Variants in NT5DC1 observed in about 807,000 individuals in gnomAD.
NT5DC1 encodes the protein 5'-nucleotidase domain containing 1, also known as 5'-nucleotidase domain-containing protein 1.
NT5DC1 carries 42 observed loss-of-function variants against 59.4 expected under a neutral mutation model. That is an observed-to-expected ratio of 0.71 (90% CI 0.55 to 0.92). The LOEUF (loss-of-function observed/expected upper bound fraction) is 0.92, where lower values mean the gene tolerates loss of function less well. NT5DC1 is among the 40% of genes least tolerant of loss of function. The pLI is 0.00. For synonymous variants in NT5DC1, 172 were observed against 188.1 expected, an observed-to-expected ratio of 0.91 and a Z score of 0.70; for missense variants, 501 against 537.1, an observed-to-expected ratio of 0.93 and a Z score of 0.66.
intron 6 of NT5DC1, among the ~76,000 whole-genome samples, chr6:116,160,413 T>A (rs1471088513): frequency 6.6e-6 from 1 of 152,174 alleles, no homozygotes; most frequent in East Asian, 1.9e-4. Flanking sequence ...TTGTATGTCT[T>A]ATTTTGAGAA....
chr6:116,101,661 T>C (rs1419375243), intron 1 of NT5DC1, among the ~76,000 whole-genome samples: 1 of 152,170 alleles, frequency 6.6e-6, no homozygotes, highest in Non-Finnish European at 1.5e-5. Flanking sequence ...TTTGAATACA[T>C]TCCAGTCCTA....
intron 6 of NT5DC1, among the ~76,000 whole-genome samples, chr6:116,173,668 A>T (rs774411510): frequency 6.6e-6 from 1 of 152,084 alleles, no homozygotes; most frequent in Non-Finnish European, 1.5e-5. Context: ...TTATTTTTGT[A>T]ATTTATTTAT....
At chr6:116,222,701 T>C (rs1781831537) in intron 7 of NT5DC1, among the ~76,000 whole-genome samples, 1 of 152,174 alleles carries the variant, frequency 6.6e-6, no homozygotes, top group African/African-American at 2.4e-5. Flanking sequence ...GCCCCCAAAT[T>C]TGAAGATAGA....
At chr6:116,138,111 A>G (rs559602722) in intron 6 of NT5DC1, among the ~76,000 whole-genome samples, 4 of 152,270 alleles carry the variant, frequency 2.6e-5, no homozygotes, top group East Asian at 3.9e-4. Flanking sequence ...GTCCAGCTCA[A>G]TAGCTGACAT....
intron 6 of NT5DC1, among the ~76,000 whole-genome samples, chr6:116,160,674 T>A (rs929219430): frequency 6.6e-6 from 1 of 152,224 alleles, no homozygotes; most frequent in Admixed American, 6.5e-5. Context: ...TGTTGAGGTC[T>A]TCGTCATAAA....
intron 6 of NT5DC1, among the ~76,000 whole-genome samples, chr6:116,161,583 C>CT (rs1266283798): frequency 6.6e-6 from 1 of 152,038 alleles, no homozygotes; most frequent in African/African-American, 2.4e-5. Flanking sequence ...CTCCATTGAT[C>CT]TATGTGTCTA....
At chr6:116,161,790 T>C (rs1780338539) in intron 6 of NT5DC1, among the ~76,000 whole-genome samples, 1 of 151,848 alleles carries the variant, frequency 6.6e-6, no homozygotes, top group Non-Finnish European at 1.5e-5. Flanking sequence ...TGATGGGAAG[T>C]TGCATTGACT....
At chr6:116,238,406 A>T (rs1782163784) in intron 10 of NT5DC1, 58 bp downstream of exon 10, 1 of 1,303,862 alleles carries the variant, frequency 7.7e-7, no homozygotes, top group Middle Eastern at 2.4e-4. Context: ...TGAAAGCTAA[A>T]GTATCTTTAT....
intron 6 of NT5DC1, among the ~76,000 whole-genome samples, chr6:116,181,535 T>A (rs1780872854): frequency 6.6e-6 from 1 of 152,036 alleles, no homozygotes; most frequent in Non-Finnish European, 1.5e-5. Context: ...TCTCCAAAGC[T>A]TCACACTCTT....
At chr6:116,179,248 A>G (rs1247764884) in intron 6 of NT5DC1, among the ~76,000 whole-genome samples, 1 of 152,114 alleles carries the variant, frequency 6.6e-6, no homozygotes, top group Non-Finnish European at 1.5e-5. Context: ...ATGTGAAAAT[A>G]CTCCTTATCT....
intron 6 of NT5DC1, among the ~76,000 whole-genome samples, chr6:116,166,718 A>T (rs1224993605): frequency 6.6e-6 from 1 of 152,210 alleles, no homozygotes; most frequent in Non-Finnish European, 1.5e-5. Flanking sequence ...ATCCATGAGA[A>T]ATTTCTACTA....
At chr6:116,205,532 T>C (rs1320424128) in intron 6 of NT5DC1, among the ~76,000 whole-genome samples, 5 of 152,008 alleles carry the variant, frequency 3.3e-5, no homozygotes, top group Non-Finnish European at 1.5e-5. Flanking sequence ...TACACAGATA[T>C]ACAGAGCATC....
At chr6:116,133,337 G>A (rs568843471) in intron 6 of NT5DC1, among the ~76,000 whole-genome samples, 3 of 152,288 alleles carry the variant, frequency 2.0e-5, no homozygotes, top group Admixed American at 1.3e-4. Flanking sequence ...AAGTTGGAAG[G>A]AGAAATTATA....
chr6:116,180,058 CTG>C (rs1323475825), intron 6 of NT5DC1, among the ~76,000 whole-genome samples: 2 of 151,976 alleles, frequency 1.3e-5, no homozygotes, highest in Non-Finnish European at 2.9e-5. Context: ...TTCTCTATAA[CTG>C]TGTTGAATTT....
intron 6 of NT5DC1, among the ~76,000 whole-genome samples, chr6:116,150,658 T>C (rs1780017060): frequency 6.6e-6 from 1 of 152,174 alleles, no homozygotes; most frequent in Non-Finnish European, 1.5e-5. Flanking sequence ...TTTTAGGTAC[T>C]TTACCTAACT....
intron 2 of NT5DC1, 64 bp from the exon 3 acceptor site, chr6:116,108,300 G>A: frequency 1.0e-6 from 1 of 985,562 alleles, no homozygotes. Flanking sequence ...GGAAAATATA[G>A]GTTGTTATTT....
intron 5 of NT5DC1, 40 bp from the exon 6 acceptor site, chr6:116,117,821 T>A (rs1308232085): frequency 8.5e-7 from 1 of 1,177,742 alleles, no homozygotes; most frequent in Non-Finnish European, 1.3e-6. Context: ...GCTTAAAAAC[T>A]GAATTATTGT....
At chr6:116,131,709 C>T (rs535757199) in intron 6 of NT5DC1, among the ~76,000 whole-genome samples, 3 of 152,236 alleles carry the variant, frequency 2.0e-5, no homozygotes, top group African/African-American at 7.2e-5. Context: ...GGTACAAGTG[C>T]AGGTGTGTTA....
chr6:116,185,126 A>C (rs542567202), intron 6 of NT5DC1, among the ~76,000 whole-genome samples: 1 of 152,208 alleles, frequency 6.6e-6, no homozygotes, highest in South Asian at 2.1e-4. Context: ...TGATCCAAAG[A>C]TCATTCAGGA....
Sources: allele counts gnomAD v4.1 joint callset (sites outside exome capture counted in the v4.1 genomes callset), GRCh38; gene constraint gnomAD v4.1.1; transcripts MANE v1.5; gene names NCBI Gene and HGNC (gene_info 2026-07-23, HGNC 2026-07-21).